Variants in KIAA1217 observed in about 807,000 individuals in gnomAD.
KIAA1217 encodes sickle tail protein homolog.
In KIAA1217, 88 loss-of-function variants were observed where a neutral mutation model predicts 163.9. The observed-to-expected ratio is 0.54, with a 90% CI of 0.45 to 0.64. The LOEUF (loss-of-function observed/expected upper bound fraction) is 0.64, where lower values mean the gene tolerates loss of function less well. Among genes scored for constraint, KIAA1217 ranks in the 30% least tolerant of loss-of-function variants. The pLI, the probability that KIAA1217 is intolerant of heterozygous loss-of-function variation, is 0.00. For missense variants in KIAA1217, 2,372 were observed against 2,475.0 expected, an observed-to-expected ratio of 0.96 and a Z score of 0.88; for synonymous variants, 903 against 923.1, an observed-to-expected ratio of 0.98 and a Z score of 0.39.
At chr10:24,177,039 G>C (rs2131936177) in intron 2 of KIAA1217, among the ~76,000 whole-genome samples, 1 of 151,768 alleles carries the variant, frequency 6.6e-6, no homozygotes, top group South Asian at 2.1e-4. Context: ...TGCTGAGCCT[G>C]TGCCCACCAT....
intron 2 of KIAA1217, among the ~76,000 whole-genome samples, chr10:24,022,483 G>A (rs910114751): frequency 3.3e-5 from 5 of 151,598 alleles, no homozygotes; most frequent in Admixed American, 6.6e-5. Context: ...AAAGATGTGG[G>A]GAAAGAGAAA....
upstream of KIAA1217, among the ~76,000 whole-genome samples, chr10:24,208,237 G>C (rs1227869025): frequency 6.6e-6 from 1 of 151,702 alleles, no homozygotes; most frequent in Non-Finnish European, 1.5e-5. Flanking sequence ...TTTAAAAGGA[G>C]AAGTATGTTG....
At chr10:24,243,405 C>T (rs1188258405) in intron 2 of KIAA1217, among the ~76,000 whole-genome samples, 2 of 152,042 alleles carry the variant, frequency 1.3e-5, no homozygotes, top group Non-Finnish European at 2.9e-5. Context: ...TTTTTCAACC[C>T]TCACCCCCTT....
rs542316251 is a variant in KIAA1217 at position 24,544,476 on chromosome 10, C to T, written c.5206C>T (p.Arg1736Cys). The change falls in exon 19 of 21, where the codon CGT becomes TGT. Residue 1736 changes from arginine (R) to cysteine (C), a missense_variant. Arg to Cys is a radical substitution (Grantham distance 180). Around this residue, in one of 3 missense-constraint regions of KIAA1217, gnomAD observed 690 missense variants for 677.5 expected, o/e 1.02. Coordinates refer to ENST00000376454, the MANE Select transcript of KIAA1217 (RefSeq NM_019590.5). ...EPPTSIPSAS[R>C]KGSSGAPQTS... ...CCCTACGTCGATACCTTCAGCTTCA[C>T]GTAAGGTATCTTGGTCTGCTGGAAA... 61 of 1,608,084 alleles carry T rather than the reference C, an allele frequency of 3.8e-5. No homozygotes were observed. Among genetic ancestry groups the T allele is most frequent in the Non-Finnish European group, 4.5e-5 (53 of 1,176,566 alleles).
intron 1 of KIAA1217, among the ~76,000 whole-genome samples, chr10:23,766,615 G>A (rs1254012342): frequency 2.3e-5 from 3 of 129,702 alleles, no homozygotes; most frequent in African/African-American, 6.2e-5. Context: ...TTGAGACAGC[G>A]TCTCACTCTG....
At position 23,886,363 on chromosome 10, in the gene KIAA1217, G is replaced by A. The variant is rs559799991; in HGVS notation, c.-320-120862G>A. Reference sequence around the variant, plus strand: ...CAAAAGGATTGTCTCCAGTGTCCACGTATGGCTGACTCTACTAGTCAGTTG... The same window carrying A: ...CAAAAGGATTGTCTCCAGTGTCCACATATGGCTGACTCTACTAGTCAGTTG... On this transcript the variant is annotated intron_variant, in intron 1 of 18. Coordinates refer to the KIAA1217 transcript ENST00000376462. Among the ~76,000 whole-genome samples the A allele has an allele frequency of 2.0e-4, 31 of 152,050 alleles. No individual in the cohort carries two copies. The South Asian group carries it at 6.2e-3, about 31-fold the overall frequency.
intron 2 of KIAA1217, among the ~76,000 whole-genome samples, chr10:24,289,782 T>A (rs2078918852): frequency 6.6e-6 from 1 of 151,930 alleles, no homozygotes; most frequent in African/African-American, 2.4e-5. Context: ...CAGGAAAGGA[T>A]GCTGGGACCC....
intron 2 of KIAA1217, among the ~76,000 whole-genome samples, chr10:24,099,820 A>G (rs1471474497): frequency 7.2e-6 from 1 of 139,186 alleles, no homozygotes; most frequent in Admixed American, 8.3e-5. Flanking sequence ...ATTCCCACCT[A>G]TGAGTGAGAA....
intron 1 of KIAA1217, among the ~76,000 whole-genome samples, chr10:24,215,015 G>A (rs910854665): frequency 2.6e-5 from 4 of 152,332 alleles, no homozygotes; most frequent in South Asian, 2.1e-4. Context: ...CTTGCAGTGC[G>A]GCTTTCTCCT....
chr10:23,738,616 G>GT (rs5783859), intron 1 of KIAA1217, among the ~76,000 whole-genome samples: 2,018 of 151,068 alleles, frequency 0.013, 39 homozygotes, highest in African/African-American at 0.046. Context: ...CTTTAGAAAT[G>GT]TTTTTTTTTC....
intron 2 of KIAA1217, among the ~76,000 whole-genome samples, chr10:24,037,913 G>A (rs959071268): frequency 6.6e-6 from 1 of 152,034 alleles, no homozygotes; most frequent in South Asian, 2.1e-4. Context: ...CAGACTCTAT[G>A]ATTATTCATT....
intron 1 of KIAA1217, among the ~76,000 whole-genome samples, chr10:23,790,563 ATG>A (rs1491395732): frequency 1.2e-5 from 1 of 81,644 alleles, no homozygotes; most frequent in East Asian, 2.8e-4. Flanking sequence ...ATATGTACAT[ATG>A]TATATATACA....
chr10:24,280,840 T>C (rs1036194146), intron 2 of KIAA1217, among the ~76,000 whole-genome samples: 10 of 151,874 alleles, frequency 6.6e-5, no homozygotes, highest in Non-Finnish European at 1.5e-4. Context: ...TAAACCTAAT[T>C]ATACTTCTTC....
chr10:24,158,283 T>C (rs1355792478), intron 2 of KIAA1217: 1 of 709,982 alleles, frequency 1.4e-6, no homozygotes, highest in Non-Finnish European at 2.7e-6. Context: ...CATTTTCTCC[T>C]TCCCGGTTGG....
At chr10:24,409,778 C>T (rs2057570809) in intron 3 of KIAA1217, among the ~76,000 whole-genome samples, 1 of 152,056 alleles carries the variant, frequency 6.6e-6, no homozygotes, top group Admixed American at 6.6e-5. Context: ...CCAGAGTCCA[C>T]TCTATCATTC....
chr10:24,402,001 A>G (rs571437021), intron 3 of KIAA1217, among the ~76,000 whole-genome samples: 1 of 152,368 alleles, frequency 6.6e-6, no homozygotes, highest in Admixed American at 6.5e-5. Flanking sequence ...CAAAACATGT[A>G]TATGATCTGT....
intron 2 of KIAA1217, among the ~76,000 whole-genome samples, chr10:24,355,155 C>A (rs1282327238): frequency 1.3e-5 from 2 of 152,168 alleles, no homozygotes. Flanking sequence ...GTTGGCTGAA[C>A]TCAGTCCCTG....
chr10:23,706,338 G>C (rs1403384542), intron 1 of KIAA1217, among the ~76,000 whole-genome samples: 1 of 152,076 alleles, frequency 6.6e-6, no homozygotes, highest in Non-Finnish European at 1.5e-5. Context: ...GGACATCCTT[G>C]TCTTGTTCTG....
chr10:23,928,318 A>G (rs1280011686), intron 1 of KIAA1217, among the ~76,000 whole-genome samples: 1 of 152,180 alleles, frequency 6.6e-6, no homozygotes, highest in African/African-American at 2.4e-5. Flanking sequence ...AGTGGAAAAT[A>G]TTGCTTTTCA....
Sources: gnomAD v4.1 joint callset for allele counts (sites outside exome capture counted in the v4.1 genomes callset) on GRCh38, gnomAD v4.1.1 for gene constraint, gnomAD v4.1.1 regional missense constraint, MANE v1.5 for transcripts, NCBI Gene and HGNC (gene_info 2026-07-23, HGNC 2026-07-21) for gene names.